The following RANBP2 variants were observed in gnomAD, a reference collection of about 807,000 sequenced individuals.
The protein encoded by RANBP2 is RAN binding protein 2, also known as E3 SUMO-protein ligase RanBP2.
A neutral mutation model predicts 303.6 loss-of-function variants in RANBP2; 57 were observed. The observed-to-expected ratio is 0.19, with a 90% confidence interval of 0.15 to 0.23. The LOEUF (loss-of-function observed/expected upper bound fraction) is 0.23. Among genes scored for constraint, RANBP2 ranks in the 10% least tolerant of loss-of-function variants. RANBP2 has a pLI of 1.00. For missense variants in RANBP2, 3,138 were observed against 3,780.8 expected (o/e 0.83, Z 4.46); for synonymous variants, 1,167 against 1,301.5 (o/e 0.90, Z 2.23).
At chr2:109,166,976 T>G in the RANBP2 span, among the ~76,000 whole-genome samples, 3 of 152,196 alleles carry the variant, frequency 2.0e-5, no homozygotes, top group Non-Finnish European at 4.4e-5. Context: ...GCCATCCCCT[T>G]TGCCTCCAGC....
At chr2:109,213,998 C>G in the RANBP2 span, among the ~76,000 whole-genome samples, 1 of 152,058 alleles carries the variant, frequency 6.6e-6, no homozygotes, top group African/African-American at 2.4e-5. Context: ...GTGGACGTGG[C>G]GGGCAGGGGA....
chr2:109,106,609 G>T, the RANBP2 span, among the ~76,000 whole-genome samples: 1 of 152,198 alleles, frequency 6.6e-6, no homozygotes, highest in East Asian at 1.9e-4. Context: ...GGCTAAGATG[G>T]GTGGATCATG....
At chr2:109,413,774 A>G in the RANBP2 span, among the ~76,000 whole-genome samples, 1 of 152,184 alleles carries the variant, frequency 6.6e-6, no homozygotes, top group Admixed American at 6.5e-5. Context: ...GTTACTAACT[A>G]TGGCAGAATG....
At chr2:109,315,512 C>T in the RANBP2 span, among the ~76,000 whole-genome samples, 287 of 152,366 alleles carry the variant, frequency 1.9e-3, 2 homozygotes, top group Non-Finnish European at 3.4e-3. Flanking sequence ...TGAAAATGTG[C>T]ATATACAGAA....
chr2:109,171,269 T>A, the RANBP2 span, among the ~76,000 whole-genome samples: 1 of 152,240 alleles, frequency 6.6e-6, no homozygotes, highest in African/African-American at 2.4e-5. Context: ...TTTGGTTATA[T>A]ATGTAGAGTT....
At chr2:109,716,624 G>A in the RANBP2 span, among the ~76,000 whole-genome samples, 2 of 152,212 alleles carry the variant, frequency 1.3e-5, no homozygotes, top group East Asian at 1.9e-4. Context: ...TCTGCTTACT[G>A]CAGCCTCCAC....
At chr2:109,550,324 G>A in the RANBP2 span, among the ~76,000 whole-genome samples, 2 of 140,566 alleles carry the variant, frequency 1.4e-5, no homozygotes, top group African/African-American at 5.5e-5. Context: ...TTTTTTTTTT[G>A]TTTTTTGAGA....
At chr2:108,819,531 T>G in the RANBP2 span, among the ~76,000 whole-genome samples, 1 of 151,926 alleles carries the variant, frequency 6.6e-6, no homozygotes, top group Non-Finnish European at 1.5e-5. Flanking sequence ...CTGGAAGAGG[T>G]CTGAGGGACA....
chr2:108,800,196 A>G, the RANBP2 span, among the ~76,000 whole-genome samples: 19 of 152,138 alleles, frequency 1.2e-4, no homozygotes, highest in African/African-American at 3.9e-4. Flanking sequence ...TTTGGGTTCT[A>G]TTGTTACCTT....
At chr2:109,322,700 A>G in the RANBP2 span, among the ~76,000 whole-genome samples, 1 of 152,212 alleles carries the variant, frequency 6.6e-6, no homozygotes, top group Non-Finnish European at 1.5e-5. Flanking sequence ...GCACCCACAT[A>G]AGTGATTTCT....
chr2:109,255,963 G>A, the RANBP2 span, among the ~76,000 whole-genome samples: 1 of 152,174 alleles, frequency 6.6e-6, no homozygotes, highest in African/African-American at 2.4e-5. Context: ...TTAGTGAATA[G>A]GATGCACCTG....
the RANBP2 span, among the ~76,000 whole-genome samples, chr2:109,714,279 T>TG: frequency 2.6e-5 from 4 of 152,068 alleles, no homozygotes; most frequent in South Asian, 2.1e-4. Flanking sequence ...TGTGTGTGTG[T>TG]TTTTCTCTTT....
At chr2:109,517,311 G>C in the RANBP2 span, among the ~76,000 whole-genome samples, 1 of 151,690 alleles carries the variant, frequency 6.6e-6, no homozygotes, top group African/African-American at 2.4e-5. Flanking sequence ...CTTTATCCCC[G>C]GACTGTGCGG....
the RANBP2 span, among the ~76,000 whole-genome samples, chr2:108,790,952 G>C: frequency 3.3e-5 from 5 of 151,902 alleles, no homozygotes; most frequent in Admixed American, 3.3e-4. Context: ...TGTAGAGACA[G>C]AGTCTCACTG....
At chr2:109,377,270 C>T in the RANBP2 span, among the ~76,000 whole-genome samples, 1 of 152,094 alleles carries the variant, frequency 6.6e-6, no homozygotes, top group African/African-American at 2.4e-5. Context: ...GCCAGCGGGG[C>T]GTTGGTCTGT....
the RANBP2 span, among the ~76,000 whole-genome samples, chr2:109,400,868 G>T: frequency 7.2e-5 from 11 of 152,226 alleles, no homozygotes; most frequent in Admixed American, 7.2e-4. Flanking sequence ...ATTCCCCAGA[G>T]AACAGCCATT....
At chr2:109,192,555 G>A in the RANBP2 span, among the ~76,000 whole-genome samples, 1 of 152,102 alleles carries the variant, frequency 6.6e-6, no homozygotes, top group Non-Finnish European at 1.5e-5. Context: ...GTGCCAGCGT[G>A]GTCCTCATGT....
the RANBP2 span, among the ~76,000 whole-genome samples, chr2:109,498,027 C>T: frequency 6.6e-6 from 1 of 152,198 alleles, no homozygotes; most frequent in Non-Finnish European, 1.5e-5. Context: ...TGTGTGTATG[C>T]TGTCTGATTT....
the RANBP2 span, among the ~76,000 whole-genome samples, chr2:109,096,659 T>C: frequency 1.3e-5 from 2 of 152,180 alleles, no homozygotes; most frequent in African/African-American, 4.8e-5. Flanking sequence ...TCAAGTAGAA[T>C]AGGAGTTAAA....
Sources: gnomAD v4.1 joint callset for allele counts (sites outside exome capture counted in the v4.1 genomes callset) on GRCh38, gnomAD v4.1.1 for gene constraint, MANE v1.5 for transcripts, NCBI Gene and HGNC (gene_info 2026-07-23, HGNC 2026-07-21) for gene names.